TGFBRAP1: variants seen among roughly 807,000 people sequenced by gnomAD.
The protein encoded by TGFBRAP1 is transforming growth factor beta receptor associated protein 1, also known as transforming growth factor-beta receptor-associated protein 1.
Under a neutral mutation model 83.2 loss-of-function variants are expected in TGFBRAP1, and 20 were observed. That is an observed-to-expected ratio of 0.24 (90% CI 0.17 to 0.35). The LOEUF is 0.35. Among genes scored for constraint, TGFBRAP1 ranks in the 10% least tolerant of loss-of-function variants. The pLI is 1.00. For synonymous variants in TGFBRAP1, 415 were observed against 459.8 expected (o/e 0.90, Z 1.25); for missense variants, 950 against 1,099.4 (o/e 0.86, Z 1.92).
chr2:105,307,148 T>C (rs746548654), intron 2 of TGFBRAP1, among the ~76,000 whole-genome samples: 1 of 152,052 alleles, frequency 6.6e-6, no homozygotes, highest in Non-Finnish European at 1.5e-5. Context: ...AACTCCAGCA[T>C]CATAAAAACC....
chr2:105,276,335 G>A (rs1404091690), intron 7 of TGFBRAP1, among the ~76,000 whole-genome samples: 4 of 152,164 alleles, frequency 2.6e-5, no homozygotes, highest in African/African-American at 9.7e-5. Flanking sequence ...TCACTTGGGG[G>A]TAGAAAGGAT....
rs769308254 is a variant in TGFBRAP1, at chr2:105,328,224, A to G, written c.-18+1401T>C. ...AGGAAATGGCAGAGGCAGGATTTGAACCCACACTCCACATTCATTACCACC... is the reference window on the plus strand; with the variant it reads ...AGGAAATGGCAGAGGCAGGATTTGAGCCCACACTCCACATTCATTACCACC... On this transcript the variant is annotated intron_variant, in intron 1 of 11. Transcript: ENST00000393359. 6.0e-4 allele frequency among the ~76,000 whole-genome samples: 91 copies of G among 152,148 alleles called. 1 individual carries two copies. The highest frequency in any genetic ancestry group is 2.1e-4 in the Non-Finnish European group (14 of 68,034).
intron 9 of TGFBRAP1, 74 bp downstream of exon 9, chr2:105,273,470 C>A: frequency 1.3e-6 from 2 of 1,575,122 alleles, no homozygotes; most frequent in Non-Finnish European, 1.7e-6. Flanking sequence ...CACAGAATCA[C>A]ATGCCAAAAA....
the TGFBRAP1 span, among the ~76,000 whole-genome samples, chr2:105,250,155 T>A: frequency 4.6e-5 from 7 of 152,266 alleles, no homozygotes; most frequent in East Asian, 1.4e-3. Flanking sequence ...CAGACTTCTC[T>A]TAGTTAGTCT....
At chr2:105,290,330 G>A (rs993732780) in intron 4 of TGFBRAP1, among the ~76,000 whole-genome samples, 1 of 152,164 alleles carries the variant, frequency 6.6e-6, no homozygotes, top group African/African-American at 2.4e-5. Context: ...GCCTCCCAAA[G>A]TGCTGGGATT....
intron 2 of TGFBRAP1, among the ~76,000 whole-genome samples, chr2:105,306,697 T>C (rs530031619): frequency 4.6e-5 from 7 of 151,810 alleles, no homozygotes; most frequent in South Asian, 2.1e-4. Context: ...ATTTGGAAGG[T>C]TGAGGCAGGG....
intron 8 of TGFBRAP1, among the ~76,000 whole-genome samples, chr2:105,274,208 CCT>C (rs1269069200): frequency 6.6e-6 from 1 of 152,100 alleles, no homozygotes; most frequent in Non-Finnish European, 1.5e-5. Context: ...GCTTCCAGTC[CCT>C]GAGTAAGTTT....
chr2:105,255,847 G>A, the TGFBRAP1 span, among the ~76,000 whole-genome samples: 3 of 151,948 alleles, frequency 2.0e-5, no homozygotes, highest in East Asian at 1.9e-4. Flanking sequence ...CCACAACCAC[G>A]GGAAGGCTCC....
At chr2:105,271,876 C>T (rs1677165276) in intron 10 of TGFBRAP1, among the ~76,000 whole-genome samples, 1 of 152,190 alleles carries the variant, frequency 6.6e-6, no homozygotes, top group African/African-American at 2.4e-5. Context: ...GGAGCGCCCT[C>T]CTTCCTTGCT....
At chr2:105,282,342 G>C (rs1178306252) in intron 5 of TGFBRAP1, among the ~76,000 whole-genome samples, 1 of 152,212 alleles carries the variant, frequency 6.6e-6, no homozygotes, top group Admixed American at 6.5e-5. Context: ...CCCAGGTTAT[G>C]TATGATCAAT....
intron 1 of TGFBRAP1, chr2:105,324,239 C>G (rs1368339895): frequency 2.0e-5 from 3 of 152,190 alleles, no homozygotes; most frequent in African/African-American, 4.8e-5. Flanking sequence ...AAAGAGGAAG[C>G]TGGGTAAAGT....
In TGFBRAP1 at chr2:105,308,077, G is replaced by A. The variant is rs770513426; in HGVS notation, c.225C>T (p.Phe75=). The change falls in exon 2 of 12, where the codon TTC becomes TTT. Residue 75 remains phenylalanine (F), a synonymous_variant. Transcript: ENST00000393359. ...CACGCAGCTCGTTCACGGGCTTCTT[G>A]AAGCCCAAGTGTCTCTGCAGCTGTT... ...ATKQLQRHLG[F]KKPVNELRAA... 3 of 1,613,808 alleles carry A rather than the reference G, an allele frequency of 1.9e-6. No individual in the cohort carries two copies. Among genetic ancestry groups the A allele is most frequent in the African/African-American group, 2.7e-5 (2 of 75,036 alleles).
chr2:105,305,108 G>T (rs138081707), intron 2 of TGFBRAP1, among the ~76,000 whole-genome samples: 1 of 152,178 alleles, frequency 6.6e-6, no homozygotes, highest in Non-Finnish European at 1.5e-5. Context: ...TACCACTGTC[G>T]TGTGGATAAC....
In TGFBRAP1 at chr2:105,329,379, G is replaced by A. The variant is rs139645665; in HGVS notation, c.-18+246C>T. 5.9e-5 allele frequency among the ~76,000 whole-genome samples: 9 copies of A among 152,016 alleles called. No individual in the cohort carries two copies. The East Asian group carries it at 1.8e-3, about 30-fold the overall frequency. On this transcript the variant is annotated intron_variant, in intron 1 of 11. Transcript: ENST00000393359. ...AACACTTATTTGCTCACCCCAGCAGGCTAGCCGGCCCCCACAAGGGACAGC... is the reference window on the plus strand; with the variant it reads ...AACACTTATTTGCTCACCCCAGCAGACTAGCCGGCCCCCACAAGGGACAGC...
Position 105,280,479 on chromosome 2 carries a change from A to G in TGFBRAP1, c.1366T>C (p.Tyr456His). The change falls in exon 6 of 12, where the codon TAT becomes CAT. Residue 456 changes from tyrosine to histidine, a missense_variant. Tyr to His is a moderately conservative substitution (Grantham distance 83, BLOSUM62 2). Coordinates refer to ENST00000393359, the MANE Select transcript of TGFBRAP1 (RefSeq NM_004257.6). ...AGGCTGTCGTGGTCAGCCTCTGCATACAGTTTGAGCAAGGCTGTGTCGATG... is the reference window on the plus strand; with the variant it reads ...AGGCTGTCGTGGTCAGCCTCTGCATGCAGTTTGAGCAAGGCTGTGTCGATG... ...EDIDTALLKLYAEADHDSLLD... is the reference protein window; with the variant it reads ...EDIDTALLKLHAEADHDSLLD... The G allele has an allele frequency of 6.2e-7, 1 of 1,614,206 alleles. No individual in the cohort carries two copies. The highest frequency in any genetic ancestry group is 8.5e-7 in the Non-Finnish European group (1 of 1,180,038).
At chr2:105,309,735 C>T (rs1678633471) in intron 1 of TGFBRAP1, among the ~76,000 whole-genome samples, 1 of 152,138 alleles carries the variant, frequency 6.6e-6, no homozygotes, top group Non-Finnish European at 1.5e-5. Flanking sequence ...TGTTTTCTTC[C>T]CATCACTTGA....
chr2:105,298,197 T>C (rs1260829474), intron 3 of TGFBRAP1, among the ~76,000 whole-genome samples: 2 of 152,180 alleles, frequency 1.3e-5, no homozygotes, highest in African/African-American at 2.4e-5. Flanking sequence ...CTGACTCCTA[T>C]GCATCCTTAA....
At chr2:105,255,546 C>T in the TGFBRAP1 span, among the ~76,000 whole-genome samples, 1 of 147,536 alleles carries the variant, frequency 6.8e-6, no homozygotes, top group Non-Finnish European at 1.5e-5. Context: ...GTTTCGAACT[C>T]CTGGCCTCAA....
intron 4 of TGFBRAP1, among the ~76,000 whole-genome samples, chr2:105,288,398 G>C (rs1677789405): frequency 2.0e-5 from 3 of 152,176 alleles, no homozygotes. Flanking sequence ...ACAGGATGGG[G>C]CTAAGAGGCA....
Sources: gnomAD v4.1 joint callset for allele counts (sites outside exome capture counted in the v4.1 genomes callset) on GRCh38, gnomAD v4.1.1 for gene constraint, MANE v1.5 for transcripts, NCBI Gene and HGNC (gene_info 2026-07-23, HGNC 2026-07-21) for gene names.